The following ANGPT1 variants were observed in gnomAD, a reference collection of about 807,000 sequenced individuals.
ANGPT1 encodes angiopoietin-1.
Under a neutral mutation model 62.2 loss-of-function variants are expected in ANGPT1, and 17 were observed. The observed-to-expected ratio is 0.27, with a 90% CI of 0.19 to 0.41. The LOEUF is 0.41. ANGPT1 is among the 10% of genes least tolerant of loss of function. The probability of loss-of-function intolerance (pLI) is 1.00; values close to 1 mark genes in which losing one functional copy is unlikely to be tolerated. For synonymous variants in ANGPT1, 199 were observed against 198.9 expected (o/e 1.00, Z 0.00); for missense variants, 478 against 594.9 (o/e 0.80, Z 2.04).
chr8:107,455,461 T>C (rs1283716), intron 1 of ANGPT1, among the ~76,000 whole-genome samples: 121,356 of 151,904 alleles, frequency 0.8, 48,540 homozygotes, highest in East Asian at 0.85. Flanking sequence ...TTCCTACATT[T>C]TATGTTTAAT....
At chr8:107,344,111 T>C (rs117117323) in intron 2 of ANGPT1, among the ~76,000 whole-genome samples, 53 of 152,244 alleles carry the variant, frequency 3.5e-4, no homozygotes, top group Non-Finnish European at 5.9e-4. Flanking sequence ...GTATATCATC[T>C]ACCTTATAGA....
At chr8:107,386,961 A>G (rs1363016866) in intron 1 of ANGPT1, among the ~76,000 whole-genome samples, 1 of 152,100 alleles carries the variant, frequency 6.6e-6, no homozygotes. Flanking sequence ...AAAACAAGTT[A>G]TTAGACACAA....
intron 3 of ANGPT1, among the ~76,000 whole-genome samples, chr8:107,327,244 T>A (rs902539143): frequency 6.6e-5 from 10 of 152,134 alleles, no homozygotes; most frequent in Non-Finnish European, 1.2e-4. Context: ...CTGCTCATAT[T>A]TCATTTTGTC....
intron 3 of ANGPT1, among the ~76,000 whole-genome samples, chr8:107,333,920 GAGAAAGAAAGAA>G (rs139390488): frequency 7.2e-6 from 1 of 138,052 alleles, no homozygotes; most frequent in Non-Finnish European, 1.6e-5. Flanking sequence ...AAGAAATAAA[GAGAAAGAAAGAA>G]AGAAAGAAAG....
At chr8:107,322,750 C>A in intron 3 of ANGPT1, 1 of 322,708 alleles carries the variant, frequency 3.1e-6, no homozygotes, top group Non-Finnish European at 6.0e-6. Context: ...TATTTTTAAT[C>A]ATTTTAAGGA....
chr8:107,357,895 A>G (rs1025610228), intron 1 of ANGPT1, among the ~76,000 whole-genome samples: 2 of 152,190 alleles, frequency 1.3e-5, no homozygotes, highest in Non-Finnish European at 2.9e-5. Context: ...TCTTTCAATA[A>G]AATCCTTCAC....
intron 1 of ANGPT1, among the ~76,000 whole-genome samples, chr8:107,369,460 A>G (rs1456823099): frequency 2.6e-5 from 4 of 152,240 alleles, no homozygotes; most frequent in Admixed American, 6.5e-5. Flanking sequence ...TCACTGGAAT[A>G]GTATTTTAAT....
At chr8:107,474,883 T>A (rs552025446) in intron 1 of ANGPT1, among the ~76,000 whole-genome samples, 1 of 152,274 alleles carries the variant, frequency 6.6e-6, no homozygotes, top group Admixed American at 6.5e-5. Flanking sequence ...ACAAGGGATG[T>A]GAAGGACCTC....
intron 1 of ANGPT1, among the ~76,000 whole-genome samples, chr8:107,492,619 G>T (rs1329633942): frequency 2.9e-5 from 4 of 136,760 alleles, no homozygotes; most frequent in South Asian, 2.6e-4. Flanking sequence ...TTACAGGTGT[G>T]AGCCACCACG....
At chr8:107,252,583 A>G (rs983807438) in intron 8 of ANGPT1, among the ~76,000 whole-genome samples, 1 of 152,188 alleles carries the variant, frequency 6.6e-6, no homozygotes, top group African/African-American at 2.4e-5. Context: ...AAGGGCTTTT[A>G]ATTAACGTAC....
intron 1 of ANGPT1, among the ~76,000 whole-genome samples, chr8:107,399,738 A>C (rs1817006690): frequency 6.6e-6 from 1 of 152,096 alleles, no homozygotes; most frequent in Non-Finnish European, 1.5e-5. Context: ...CTGATAATTC[A>C]CATGGCACAG....
At chr8:107,288,146 T>C (rs1814188331) in intron 6 of ANGPT1, among the ~76,000 whole-genome samples, 1 of 152,194 alleles carries the variant, frequency 6.6e-6, no homozygotes, top group Admixed American at 6.6e-5. Flanking sequence ...AGAGGACTAA[T>C]GTAATATTTT....
At chr8:107,291,617 T>A (rs1053743660) in intron 6 of ANGPT1, among the ~76,000 whole-genome samples, 7 of 152,074 alleles carry the variant, frequency 4.6e-5, no homozygotes, top group Admixed American at 4.6e-4. Flanking sequence ...TTCACCATAT[T>A]GGCCAAGATG....
At chr8:107,408,547 T>G (rs1817196863) in intron 1 of ANGPT1, among the ~76,000 whole-genome samples, 1 of 152,174 alleles carries the variant, frequency 6.6e-6, no homozygotes, top group African/African-American at 2.4e-5. Flanking sequence ...GCTGTCTTTA[T>G]GAACTGCTAC....
chr8:107,491,114 A>G (rs1398506443), intron 1 of ANGPT1, among the ~76,000 whole-genome samples: 1 of 152,118 alleles, frequency 6.6e-6, no homozygotes, highest in Non-Finnish European at 1.5e-5. Flanking sequence ...TGCTGTAAGC[A>G]TTGTGCTAGA....
At chr8:107,417,819 T>C (rs1810791907) in intron 1 of ANGPT1, among the ~76,000 whole-genome samples, 1 of 152,230 alleles carries the variant, frequency 6.6e-6, no homozygotes, top group Non-Finnish European at 1.5e-5. Context: ...AATCCTGAGA[T>C]ACTTAAACGT....
chr8:107,481,806 A>AGATT (rs1812695349), intron 1 of ANGPT1, among the ~76,000 whole-genome samples: 1 of 152,012 alleles, frequency 6.6e-6, no homozygotes, highest in African/African-American at 2.4e-5. Context: ...TTCCGTGAGA[A>AGATT]CTCACTCACT....
At chr8:107,403,396 C>CG in intron 1 of ANGPT1, among the ~76,000 whole-genome samples, 1 of 152,204 alleles carries the variant, frequency 6.6e-6, no homozygotes, top group South Asian at 2.1e-4. Context: ...TATTCGGCCT[C>CG]TATTATGGGA....
chr8:107,259,761 G>A (rs1813451310), intron 8 of ANGPT1, among the ~76,000 whole-genome samples: 1 of 151,872 alleles, frequency 6.6e-6, no homozygotes, highest in African/African-American at 2.4e-5. Context: ...GTTAACTGTA[G>A]CTTAAGCAAA....
Sources: allele counts gnomAD v4.1 joint callset (sites outside exome capture counted in the v4.1 genomes callset), GRCh38; gene constraint gnomAD v4.1.1; transcripts MANE v1.5; gene names NCBI Gene and HGNC (gene_info 2026-07-23, HGNC 2026-07-21).